The following DTNA variants were observed in gnomAD, a reference collection of about 807,000 sequenced individuals.
DTNA encodes dystrophin-related protein 3.
A neutral mutation model predicts 100.7 loss-of-function variants in DTNA; 43 were observed. The observed-to-expected ratio is 0.43, with a 90% CI of 0.33 to 0.55. The LOEUF is 0.55. Among genes scored for constraint, DTNA ranks in the 20% least tolerant of loss-of-function variants. DTNA has a pLI of 0.04. For synonymous variants in DTNA, 349 were observed against 347.9 expected (o/e 1.00, Z -0.04); for missense variants, 798 against 953.9 (o/e 0.84, Z 2.15).
At chr18:34,683,932 C>G (rs1045475395) in intron 1 of DTNA, among the ~76,000 whole-genome samples, 1 of 151,918 alleles carries the variant, frequency 6.6e-6, no homozygotes, top group African/African-American at 2.4e-5. Context: ...GGAAGAGACC[C>G]CTGAAACAAT....
intron 1 of DTNA, among the ~76,000 whole-genome samples, chr18:34,737,578 T>C (rs1378449741): frequency 6.6e-6 from 1 of 152,184 alleles, no homozygotes; most frequent in Non-Finnish European, 1.5e-5. Flanking sequence ...TTCTTGGGAA[T>C]AGGCCTCGAT....
At chr18:34,673,834 A>G (rs183292627) in intron 1 of DTNA, among the ~76,000 whole-genome samples, 10 of 152,304 alleles carry the variant, frequency 6.6e-5, no homozygotes, top group Admixed American at 6.5e-4. Context: ...ATCCACTTCT[A>G]TTGACGAAAT....
At chr18:34,527,232 C>T (rs997756601) in intron 1 of DTNA, among the ~76,000 whole-genome samples, 26 of 151,940 alleles carry the variant, frequency 1.7e-4, no homozygotes, top group African/African-American at 5.8e-4. Flanking sequence ...AAGAGTGCAA[C>T]AGTAAAACAG....
chr18:34,494,370 G>A (rs1358242510), intron 1 of DTNA, among the ~76,000 whole-genome samples: 1 of 150,750 alleles, frequency 6.6e-6, no homozygotes, highest in South Asian at 2.1e-4. Flanking sequence ...GGGACGGGGG[G>A]CGGCGGGGGC....
intron 1 of DTNA, among the ~76,000 whole-genome samples, chr18:34,587,423 A>G (rs1032596594): frequency 3.9e-5 from 6 of 152,156 alleles, no homozygotes; most frequent in African/African-American, 1.4e-4. Context: ...ACATAGTGTG[A>G]AATGCTGTGC....
Position 34,844,982 on chromosome 18 carries a change from G to A in DTNA, c.1347-3314G>A, listed in dbSNP as rs577205259. Among the ~76,000 whole-genome samples, 7 of 152,262 alleles carry A rather than the reference G, an allele frequency of 4.6e-5. No individual in the cohort carries two copies. The South Asian group carries it at 8.3e-4, about 18-fold the overall frequency. On this transcript the variant is annotated intron_variant, in intron 13 of 22. Transcript: ENST00000444659. The stretch of plus-strand genomic sequence containing the variant: ...ATGGATTTTCCTGCTCTGAAATGCC[G>A]TCAACACTGCAATCACTTGTTAATT...
In DTNA at chr18:34,666,537, G is replaced by A. The variant is rs559733112; in HGVS notation, c.-1-89439G>A. On this transcript the variant is annotated intron_variant, in intron 1 of 19. Coordinates refer to the DTNA transcript ENST00000283365. ...ATGGTATTGCCTAGGTTTTCTTCTA[G>A]GGTTTTTATGGTTTTAGGTCTAACG... is the stretch of plus-strand genomic sequence containing the variant. 2.3e-4 allele frequency among the ~76,000 whole-genome samples: 35 copies of A among 152,158 alleles called. No homozygotes were observed. The East Asian group carries it at 5.8e-3, about 25-fold the overall frequency.
intron 16 of DTNA, among the ~76,000 whole-genome samples, chr18:34,862,139 A>AG (rs1261315219): frequency 4.0e-5 from 6 of 149,982 alleles, no homozygotes; most frequent in African/African-American, 1.0e-4. Context: ...AAAAAAAAAA[A>AG]AAAAGAGAAA....
chr18:34,747,042 G>C (rs879907083), intron 1 of DTNA, among the ~76,000 whole-genome samples: 1 of 151,308 alleles, frequency 6.6e-6, no homozygotes, highest in Non-Finnish European at 1.5e-5. Flanking sequence ...TTTTTAAATG[G>C]CATTTTTCTG....
At position 34,820,891 on chromosome 18, in the gene DTNA, A is replaced by C. The variant is rs939766160; in HGVS notation, c.977A>C (p.Lys326Thr). The change falls in exon 9 of 23, where the codon AAG (lysine) becomes ACG (threonine). Residue 326 changes from lysine to threonine, a missense_variant. Around this residue, in one of 6 missense-constraint regions of DTNA, gnomAD observed 93 missense variants for 90.5 expected, o/e 1.03. Transcript: ENST00000444659. ...LHPMFPDQPE[K>T]PLNLAHIVPP... ...CCCATGTTCCCAGATCAGCCTGAGA[A>C]GCCACTCAACTTGGCTCACATCGTG... 19 of 1,614,018 alleles carry C rather than the reference A, an allele frequency of 1.2e-5. No homozygotes were observed. The highest frequency in any genetic ancestry group is 1.5e-5 in the Non-Finnish European group (18 of 1,179,992).
intron 4 of DTNA, among the ~76,000 whole-genome samples, chr18:34,801,346 G>A (rs996808610): frequency 6.6e-6 from 1 of 151,956 alleles, no homozygotes; most frequent in African/African-American, 2.4e-5. Context: ...GTTTGTATAG[G>A]CAAAAGTTCC....
intron 1 of DTNA, among the ~76,000 whole-genome samples, chr18:34,545,309 G>A (rs2730114): frequency 0.2 from 30,201 of 152,022 alleles, 3,543 homozygotes; most frequent in African/African-American, 0.32. Context: ...GTAAAAGGGA[G>A]GAACCTCTGC....
chr18:34,814,098 C>G (rs912162008), intron 6 of DTNA, among the ~76,000 whole-genome samples: 2 of 152,054 alleles, frequency 1.3e-5, no homozygotes, highest in Non-Finnish European at 2.9e-5. Context: ...GTTTTTAACT[C>G]TGGTCTTCTA....
chr18:34,609,692 C>T (rs2053853624), intron 1 of DTNA, among the ~76,000 whole-genome samples: 1 of 152,138 alleles, frequency 6.6e-6, no homozygotes, highest in Non-Finnish European at 1.5e-5. Context: ...ACCCTTATCT[C>T]ATGAAGGTGG....
chr18:34,625,694 A>G (rs1488623449), intron 1 of DTNA, among the ~76,000 whole-genome samples: 5 of 152,238 alleles, frequency 3.3e-5, no homozygotes, highest in Admixed American at 1.3e-4. Context: ...ACCAGAATGT[A>G]GAGGCTCTGA....
At chr18:34,726,840 C>T (rs1395066900) in intron 1 of DTNA, among the ~76,000 whole-genome samples, 1 of 152,248 alleles carries the variant, frequency 6.6e-6, no homozygotes, top group East Asian at 1.9e-4. Flanking sequence ...CACAGCTCCA[C>T]TAGGTAGTGC....
chr18:34,668,063 T>G (rs2076196488), intron 1 of DTNA, among the ~76,000 whole-genome samples: 2 of 152,202 alleles, frequency 1.3e-5, no homozygotes, highest in South Asian at 4.1e-4. Flanking sequence ...CCTGGACTTT[T>G]TTTGGTTGGT....
chr18:34,820,237 C>T (rs186703472), intron 8 of DTNA, among the ~76,000 whole-genome samples: 3 of 152,156 alleles, frequency 2.0e-5, no homozygotes, highest in East Asian at 1.9e-4. Context: ...CCTGGATTCC[C>T]GCAAAATCTT....
intron 3 of DTNA, among the ~76,000 whole-genome samples, chr18:34,779,265 A>G (rs1413427039): frequency 6.6e-6 from 1 of 152,204 alleles, no homozygotes; most frequent in Admixed American, 6.5e-5. Flanking sequence ...TGTCTAGCAC[A>G]CAGAATGCAT....
Sources: gnomAD v4.1 joint callset for allele counts (sites outside exome capture counted in the v4.1 genomes callset) on GRCh38, gnomAD v4.1.1 for gene constraint, gnomAD v4.1.1 regional missense constraint, MANE v1.5 for transcripts, NCBI Gene and HGNC (gene_info 2026-07-23, HGNC 2026-07-21) for gene names.